The following SBF2 variants were observed in gnomAD, a reference collection of about 807,000 sequenced individuals.
SBF2 encodes myotubularin-related protein 13.
SBF2 carries 112 observed loss-of-function variants against 225.2 expected under a neutral mutation model. The observed-to-expected ratio is 0.50, with a 90% CI of 0.43 to 0.58. The LOEUF (loss-of-function observed/expected upper bound fraction) is 0.58. SBF2 is among the 20% of genes least tolerant of loss of function. The pLI, the probability that SBF2 is intolerant of heterozygous loss-of-function variation, is 0.00. For missense variants in SBF2, 1,996 were observed against 2,206.2 expected (o/e 0.90, Z 1.91); for synonymous variants, 763 against 773.3 (o/e 0.99, Z 0.22).
At chr11:9,872,250 T>C (rs996541401) in intron 17 of SBF2, among the ~76,000 whole-genome samples, 8 of 152,170 alleles carry the variant, frequency 5.3e-5, no homozygotes, top group African/African-American at 9.7e-5. Flanking sequence ...TTCTTACTTA[T>C]AGGCGGGAGC....
chr11:10,058,762 A>C (rs1950337630), intron 2 of SBF2, among the ~76,000 whole-genome samples: 1 of 152,210 alleles, frequency 6.6e-6, no homozygotes, highest in Non-Finnish European at 1.5e-5. Flanking sequence ...CTAGAGAGAA[A>C]GGGCAGGTCA....
In SBF2 at chr11:9,808,073, C is replaced by T; in HGVS notation, c.4370G>A (p.Ser1457Asn). The T allele has an allele frequency of 6.2e-7, 1 of 1,614,190 alleles. No homozygotes were observed. The highest frequency in any genetic ancestry group is 8.5e-7 in the Non-Finnish European group (1 of 1,180,002). ...LSFGHKFSQR[S>N]SLTLNCQGSG... The stretch of plus-strand genomic sequence containing the variant: ...CCCCTGACAGTTGAGGGTCAAGCTG[C>T]TCCTCTGACTGAATTTGTGACCAAA... The change falls in exon 32 of 40, where the codon AGC (serine) becomes AAC (asparagine). Residue 1457 changes from serine to asparagine, a missense_variant. Physicochemically the swap from Ser to Asn is conservative, Grantham distance 46. Coordinates refer to ENST00000256190, the MANE Select transcript of SBF2 (RefSeq NM_030962.4).
At chr11:10,174,775 C>T (rs1325952721) in intron 2 of SBF2, among the ~76,000 whole-genome samples, 2 of 152,160 alleles carry the variant, frequency 1.3e-5, no homozygotes, top group East Asian at 1.9e-4. Context: ...GGTCCGGTTA[C>T]CCACAAAGGG....
intron 16 of SBF2, among the ~76,000 whole-genome samples, chr11:9,932,315 A>C (rs1029122595): frequency 1.3e-5 from 2 of 152,182 alleles, no homozygotes; most frequent in Non-Finnish European, 2.9e-5. Flanking sequence ...GAGCAACCCC[A>C]AGACACAGAA....
intron 15 of SBF2, among the ~76,000 whole-genome samples, chr11:9,963,046 C>A (rs1475477005): frequency 6.6e-6 from 1 of 152,160 alleles, no homozygotes; most frequent in African/African-American, 2.4e-5. Context: ...TTATGTTCAG[C>A]ATGTTTCATT....
chr11:9,941,777 C>A (rs1865265571), intron 16 of SBF2, among the ~76,000 whole-genome samples: 1 of 151,334 alleles, frequency 6.6e-6, no homozygotes, highest in African/African-American at 2.4e-5. Flanking sequence ...AGGTCCTTGC[C>A]AGAAAATAAG....
At position 9,918,251 on chromosome 11, in the gene SBF2, T is replaced by A. The variant is rs189843762; in HGVS notation, c.1861-22240A>T. On this transcript the variant is annotated intron_variant, in intron 16 of 39. Coordinates refer to ENST00000256190, the MANE Select transcript of SBF2 (RefSeq NM_030962.4). ...TTTACTCCTATCCATTTTTGAGCCT[T>A]TGGGGGAGCTCTGTAGTACAAATCA... is the stretch of plus-strand genomic sequence containing the variant. Among the ~76,000 whole-genome samples the A allele has an allele frequency of 1.7e-4, 26 of 152,322 alleles. No homozygotes were observed. In the East Asian group the frequency reaches 2.9e-3, roughly 17 times the overall value.
intron 2 of SBF2, among the ~76,000 whole-genome samples, chr11:10,125,533 T>C (rs1260347823): frequency 6.6e-6 from 1 of 152,220 alleles, no homozygotes; most frequent in African/African-American, 2.4e-5. Flanking sequence ...TATGTGTGTC[T>C]GTCTGTCATA....
At chr11:10,229,267 G>C (rs1958719642) in intron 1 of SBF2, among the ~76,000 whole-genome samples, 1 of 152,146 alleles carries the variant, frequency 6.6e-6, no homozygotes, top group African/African-American at 2.4e-5. Flanking sequence ...CAAAAAACCA[G>C]CTCCTGGATT....
At chr11:10,111,386 T>C (rs941610003) in intron 2 of SBF2, among the ~76,000 whole-genome samples, 3 of 152,208 alleles carry the variant, frequency 2.0e-5, no homozygotes, top group African/African-American at 7.2e-5. Flanking sequence ...GTTTTAGGCT[T>C]CAGTAAAGTT....
Position 10,113,166 on chromosome 11 carries a change from T to A in SBF2, c.142-70185A>T, listed in dbSNP as rs527360130. Among the ~76,000 whole-genome samples the A allele has an allele frequency of 1.3e-4, 20 of 152,010 alleles. No individual in the cohort carries two copies. The South Asian group carries it at 2.9e-3, about 22-fold the overall frequency. ...ACACCACCACATCTGGCTGATTTTT[T>A]AATTTTTTATAGAGACAGGGTCTCA... On this transcript the variant is annotated intron_variant, in intron 2 of 39. Transcript: ENST00000256190.
At chr11:9,884,965 T>C (rs1436706263) in intron 17 of SBF2, among the ~76,000 whole-genome samples, 1 of 152,090 alleles carries the variant, frequency 6.6e-6, no homozygotes, top group African/African-American at 2.4e-5. Flanking sequence ...AATAGTGTAA[T>C]TATGGCCTGG....
chr11:9,784,531 T>G, intron 37 of SBF2, 93 bp from the exon 38 acceptor site: 4 of 971,456 alleles, frequency 4.1e-6, no homozygotes, highest in Non-Finnish European at 6.5e-6. Flanking sequence ...GTCAAGTCTC[T>G]ATTTCCCCTA....
chr11:9,993,923 G>A lies in SBF2; in HGVS notation c.1051C>T (p.Leu351=). The part of the protein sequence containing the change: ...PRTALSHSKM[L]DKEVRAVFLR... ...AATTTAAATATTAAACTTCTTACCAGCATTTTTGAGTGGGATAAAGCTGTT... is the reference window on the plus strand; with the variant it reads ...AATTTAAATATTAAACTTCTTACCAACATTTTTGAGTGGGATAAAGCTGTT... The change falls in exon 10 of 40, where the codon CTG becomes TTG. Residue 351 remains leucine, a splice_region_variant and synonymous_variant. Transcript: ENST00000256190. 1 of 1,355,766 alleles carries A rather than the reference G, an allele frequency of 7.4e-7. No homozygotes were observed. The allele number at this position is 1,355,766 out of a possible 1,614,324, so 84.0% of individuals were successfully genotyped here. A position where few individuals can be genotyped will look rare whatever the true frequency, so the allele number is the denominator to read the frequency against.
chr11:9,819,769 C>T (rs999179294), intron 28 of SBF2, among the ~76,000 whole-genome samples: 1 of 152,160 alleles, frequency 6.6e-6, no homozygotes, highest in Non-Finnish European at 1.5e-5. Context: ...GGTCATCACA[C>T]CAGGAAACAA....
At chr11:10,014,167 G>T (rs773558732) in intron 6 of SBF2, among the ~76,000 whole-genome samples, 1 of 152,136 alleles carries the variant, frequency 6.6e-6, no homozygotes, top group Non-Finnish European at 1.5e-5. Flanking sequence ...AATTTTAGGT[G>T]TTAGGGCATG....
At position 9,789,114 on chromosome 11, in the gene SBF2, A is replaced by G. The variant is rs757479870; in HGVS notation, c.4927T>C (p.Phe1643Leu). 6.2e-7 allele frequency: 1 copy of G among 1,614,100 alleles called. No individual in the cohort carries two copies. The highest frequency in any genetic ancestry group is 8.5e-7 in the Non-Finnish European group (1 of 1,179,954). ...CTQPDALTSL[F>L]SEIEKLEHKL... is the part of the protein sequence containing the mutation. ...TGTGTCTACAGTTGACTTACACTGA[A>G]AAGGCTGGTGAGAGCATCAGGCTGA... Residue 1643 changes from phenylalanine (F) to leucine (L), a missense_variant, in exon 35 of 40, where the codon TTC (phenylalanine) becomes CTC (leucine). Phe to Leu is a conservative substitution (Grantham distance 22, BLOSUM62 0). Transcript: ENST00000256190.
chr11:10,231,804 G>A (rs145388797), intron 1 of SBF2, among the ~76,000 whole-genome samples: 58 of 152,294 alleles, frequency 3.8e-4, no homozygotes, highest in African/African-American at 1.1e-3. Flanking sequence ...CTCAAGCTGC[G>A]TGCTGGGAGA....
intron 2 of SBF2, among the ~76,000 whole-genome samples, chr11:10,072,673 A>T (rs1025382264): frequency 1.3e-5 from 2 of 151,750 alleles, no homozygotes; most frequent in Admixed American, 1.3e-4. Flanking sequence ...CTTTTCCACT[A>T]ATGGCTGCAT....
Sources: allele counts gnomAD v4.1 joint callset (sites outside exome capture counted in the v4.1 genomes callset), GRCh38; gene constraint gnomAD v4.1.1; transcripts MANE v1.5; gene names NCBI Gene and HGNC (gene_info 2026-07-23, HGNC 2026-07-21).